NDE1: variants seen among roughly 807,000 people sequenced by gnomAD.
NDE1 encodes the protein nuclear distribution protein nudE homolog 1.
A neutral mutation model predicts 43.4 loss-of-function variants in NDE1; 28 were observed. That is an observed-to-expected ratio of 0.65 (90% CI 0.48 to 0.89). The LOEUF (loss-of-function observed/expected upper bound fraction) is 0.89, where lower values mean the gene tolerates loss of function less well. Among genes scored for constraint, NDE1 ranks in the 40% least tolerant of loss-of-function variants. The probability of loss-of-function intolerance (pLI) is 0.00; values close to 1 mark genes in which losing one functional copy is unlikely to be tolerated. For missense variants in NDE1, 441 were observed against 434.1 expected, an observed-to-expected ratio of 1.02 and a Z score of -0.14; for synonymous variants, 184 against 172.0, an observed-to-expected ratio of 1.07 and a Z score of -0.55.
intron 7 of NDE1, 57 bp from the exon 8 acceptor site, chr16:15,696,652 G>A: frequency 6.2e-7 from 1 of 1,613,490 alleles, no homozygotes; most frequent in Non-Finnish European, 8.5e-7. Context: ...ACAGGCTCTG[G>A]TAAGACAGAA....
chr16:15,681,549 C>G (rs2038185095), intron 4 of NDE1, among the ~76,000 whole-genome samples: 1 of 151,992 alleles, frequency 6.6e-6, no homozygotes, highest in Non-Finnish European at 1.5e-5. Context: ...GCATGAGCCA[C>G]CATACCCGGC....
At chr16:15,693,304 C>T (rs1038571987) in intron 6 of NDE1, among the ~76,000 whole-genome samples, 2 of 152,086 alleles carry the variant, frequency 1.3e-5, no homozygotes, top group African/African-American at 2.4e-5. Flanking sequence ...TGTGCCTGGC[C>T]GAGAGATTCT....
At chr16:15,721,698 A>T in intron 8 of NDE1, 2 of 1,555,700 alleles carry the variant, frequency 1.3e-6, no homozygotes, top group Non-Finnish European at 1.8e-6. Flanking sequence ...TGAATTGTAA[A>T]TACCGGGGGA....
intron 8 of NDE1, among the ~76,000 whole-genome samples, chr16:15,707,003 C>T (rs2039491841): frequency 6.6e-6 from 1 of 152,104 alleles, no homozygotes; most frequent in Non-Finnish European, 1.5e-5. Context: ...CTAAGGGACC[C>T]CCCTAAAGGT....
chr16:15,659,929 A>G (rs559763088), intron 1 of NDE1, among the ~76,000 whole-genome samples: 8 of 151,348 alleles, frequency 5.3e-5, no homozygotes, highest in African/African-American at 1.9e-4. Context: ...TTGTATTTTT[A>G]GTAGAGATGG....
At chr16:15,694,835 T>C (rs946638603) in intron 7 of NDE1, 81 of 985,360 alleles carry the variant, frequency 8.2e-5, no homozygotes, top group Non-Finnish European at 9.8e-5. Flanking sequence ...ATTAGGGTGA[T>C]ATGTGTGTTT....
intron 4 of NDE1, among the ~76,000 whole-genome samples, chr16:15,682,090 A>C (rs1288528177): frequency 6.6e-6 from 1 of 152,064 alleles, no homozygotes; most frequent in Non-Finnish European, 1.5e-5. Flanking sequence ...GTTTTTGTTA[A>C]TACAATTTGG....
rs1357722385 is a variant in NDE1 at position 15,677,896 on chromosome 16, G to A, written c.333G>A (p.Gln111=). 1 of 1,614,104 alleles carries A rather than the reference G, an allele frequency of 6.2e-7. No homozygotes were observed. The highest frequency in any genetic ancestry group is 1.1e-5 in the South Asian group (1 of 91,078). Reference sequence around the variant, plus strand: ...CCAAAGCCATTAAAGACCAATTGCAGAAATACATCAGAGAGCTGGAGCAAG... The same window carrying A: ...CCAAAGCCATTAAAGACCAATTGCAAAAATACATCAGAGAGCTGGAGCAAG... The part of the protein sequence containing the change: ...AQTKAIKDQL[Q]KYIRELEQAN... The change falls in exon 4 of 9, where the codon CAG becomes CAA. Residue 111 remains glutamine, a synonymous_variant. Coordinates refer to ENST00000396354, the MANE Select transcript of NDE1 (RefSeq NM_017668.3).
At chr16:15,683,641 A>G (rs967796592) in intron 4 of NDE1, among the ~76,000 whole-genome samples, 8 of 152,164 alleles carry the variant, frequency 5.3e-5, no homozygotes, top group African/African-American at 1.9e-4. Flanking sequence ...ATATGCTTTT[A>G]TACATTAGTT....
chr16:15,649,917 G>A (rs939704811), upstream of NDE1, among the ~76,000 whole-genome samples: 1 of 152,198 alleles, frequency 6.6e-6, no homozygotes, highest in African/African-American at 2.4e-5. Flanking sequence ...GTGAAGGAGA[G>A]GCCGGCGTAT....
In NDE1 at chr16:15,720,321, G is replaced by A. The variant is rs201567063; in HGVS notation, c.948-3870G>A. ...GTCTCATACTCGTGAAGCTGGGCGA[G>A]GAATAGAGATGTGTGCTGCCCCACT... On this transcript the variant is annotated intron_variant, in intron 8 of 8. Coordinates refer to ENST00000396354, the MANE Select transcript of NDE1 (RefSeq NM_017668.3). 6 of 1,612,876 alleles carry A rather than the reference G, an allele frequency of 3.7e-6. No individual in the cohort carries two copies. Among genetic ancestry groups the A allele is most frequent in the Admixed American group, 1.7e-5 (1 of 59,816 alleles).
At chr16:15,682,468 C>T (rs1473840513) in intron 4 of NDE1, among the ~76,000 whole-genome samples, 1 of 152,200 alleles carries the variant, frequency 6.6e-6, no homozygotes, top group Non-Finnish European at 1.5e-5. Flanking sequence ...TTCTCAGCAC[C>T]ATCAGCTGTT....
At chr16:15,658,084 C>T (rs2036859137) in intron 1 of NDE1, among the ~76,000 whole-genome samples, 1 of 152,206 alleles carries the variant, frequency 6.6e-6, no homozygotes, top group Admixed American at 6.5e-5. Context: ...GACCCAGGCT[C>T]TCCATCCCTT....
Position 15,667,416 on chromosome 16 carries a change from C to T in NDE1, c.214C>T (p.Arg72Cys), listed in dbSNP as rs777008106. The T allele has an allele frequency of 7.9e-5, 127 of 1,613,676 alleles. No homozygotes were observed. The highest frequency in any genetic ancestry group is 3.3e-4 in the Middle Eastern group (2 of 6,072). The change falls in exon 3 of 9, where the codon CGC (arginine) becomes TGC (cysteine). Residue 72 changes from arginine to cysteine, a missense_variant. Physicochemically the swap from Arg to Cys is radical, Grantham distance 180 (BLOSUM62 -3). Coordinates refer to ENST00000396354, the MANE Select transcript of NDE1 (RefSeq NM_017668.3). ...CCTCCTGTCCGAAAATAACCGCCTT[C>T]GCATGGAGCTGGAAACCATCAAGGT... ...RDLLSENNRL[R>C]MELETIKEKF...
intron 8 of NDE1, among the ~76,000 whole-genome samples, chr16:15,715,844 G>A (rs995231290): frequency 6.6e-6 from 1 of 152,126 alleles, no homozygotes; most frequent in Non-Finnish European, 1.5e-5. Flanking sequence ...CGGAGTCTCT[G>A]GCCAGGCGTG....
chr16:15,688,978 G>T (rs1420969333), intron 5 of NDE1, among the ~76,000 whole-genome samples: 1 of 152,028 alleles, frequency 6.6e-6, no homozygotes, highest in Non-Finnish European at 1.5e-5. Context: ...GATTATAGGG[G>T]TGGGTCACTG....
intron 1 of NDE1, among the ~76,000 whole-genome samples, chr16:15,654,895 A>C (rs937049773): frequency 2.6e-5 from 4 of 151,772 alleles, no homozygotes; most frequent in Non-Finnish European, 4.4e-5. Context: ...TGTCTAGCAC[A>C]CAGCAAACAG....
At chr16:15,704,327 T>C (rs1180925653) in intron 8 of NDE1, among the ~76,000 whole-genome samples, 1 of 152,176 alleles carries the variant, frequency 6.6e-6, no homozygotes, top group Non-Finnish European at 1.5e-5. Flanking sequence ...GCATGAGTGA[T>C]TGAATTTAAT....
upstream of NDE1, chr16:15,650,219 G>T: frequency 1.1e-5 from 2 of 185,556 alleles, no homozygotes; most frequent in South Asian, 1.1e-4. Flanking sequence ...GGCGGGGTCC[G>T]GAGGGCCGGG....
Sources: allele counts gnomAD v4.1 joint callset (sites outside exome capture counted in the v4.1 genomes callset), GRCh38; gene constraint gnomAD v4.1.1; transcripts MANE v1.5; gene names NCBI Gene and HGNC (gene_info 2026-07-23, HGNC 2026-07-21).